The following KIRREL3 variants were observed in gnomAD, a reference collection of about 807,000 sequenced individuals.
The protein encoded by KIRREL3 is kirre like nephrin family adhesion molecule 3.
In KIRREL3, 36 loss-of-function variants were observed where a neutral mutation model predicts 89.7. That is an observed-to-expected ratio of 0.40 (90% CI 0.31 to 0.53). The LOEUF (loss-of-function observed/expected upper bound fraction) is 0.53. Among genes scored for constraint, KIRREL3 ranks in the 20% least tolerant of loss-of-function variants. The pLI, the probability that KIRREL3 is intolerant of heterozygous loss-of-function variation, is 0.49. For synonymous variants in KIRREL3, 445 were observed against 441.4 expected, an observed-to-expected ratio of 1.01 and a Z score of -0.10; for missense variants, 864 against 1,056.6, an observed-to-expected ratio of 0.82 and a Z score of 2.53.
At position 126,943,161 on chromosome 11, in the gene KIRREL3, C is replaced by T. The variant is rs751523405; in HGVS notation, c.55+57294G>A. On this transcript the variant is annotated intron_variant, in intron 1 of 16. Coordinates refer to ENST00000525144, the MANE Select transcript of KIRREL3 (RefSeq NM_032531.4). This position sits in a 1 kb window ranked among gnomAD's most constrained non-coding sequence, Gnocchi z 4.2. ...GCCATAGGCCTGGGTGCTGCTCCTG[C>T]TCCACTGGGGCCTTCTCTTTGGGGT... Among the ~76,000 whole-genome samples, 3 of 152,218 alleles carry T rather than the reference C, an allele frequency of 2.0e-5. No individual in the cohort carries two copies. Among genetic ancestry groups the T allele is most frequent in the East Asian group, 3.8e-4 (2 of 5,200 alleles).
Position 126,918,417 on chromosome 11 carries a change from C to T in KIRREL3, c.55+82038G>A, listed in dbSNP as rs750843134. On this transcript the variant is annotated intron_variant, in intron 1 of 16. Coordinates refer to ENST00000525144, the MANE Select transcript of KIRREL3 (RefSeq NM_032531.4). The surrounding 1 kb of genome is among the most constrained non-coding windows in gnomAD (Gnocchi z 6.5). ...CTTTAGACCATCCAGGTAGTTTTAG[C>T]GTAAGGAGTGAAGTCTTTGTAAACT... is the stretch of plus-strand genomic sequence containing the variant. 1.6e-4 allele frequency among the ~76,000 whole-genome samples: 25 copies of T among 152,180 alleles called. No individual in the cohort carries two copies. Among genetic ancestry groups the T allele is most frequent in the African/African-American group, 2.9e-4 (12 of 41,442 alleles).
rs61899056 is a variant in KIRREL3 at position 126,652,334 on chromosome 11, G to A, written c.56-89422C>T. The stretch of plus-strand genomic sequence containing the variant: ...ATATAAACCATCTTCTTTACTTAGG[G>A]CACAAAGAAGAACCAAGACAGGAGA... On this transcript the variant is annotated intron_variant, in intron 1 of 16. Coordinates refer to ENST00000525144, the MANE Select transcript of KIRREL3 (RefSeq NM_032531.4). The surrounding 1 kb of genome is among the most constrained non-coding windows in gnomAD (Gnocchi z 4.9). Among the ~76,000 whole-genome samples, 4,955 of 152,156 alleles carry A rather than the reference G, an allele frequency of 0.033. 129 individuals carry two copies. Among genetic ancestry groups the A allele is most frequent in the African/African-American group, 0.07 (2,907 of 41,486 alleles).
chr11:126,752,388 T>G lies in KIRREL3; in HGVS notation c.56-189476A>C, dbSNP rs886573126. ...CAGGATTAGTTGGGCATTTATGAGT[T>G]CAAGGGATCCTAGATGCTAACTGGA... On this transcript the variant is annotated intron_variant, in intron 1 of 16. Coordinates refer to ENST00000525144, the MANE Select transcript of KIRREL3 (RefSeq NM_032531.4). The surrounding 1 kb of genome is among the most constrained non-coding windows in gnomAD (Gnocchi z 4.8). Among the ~76,000 whole-genome samples the G allele has an allele frequency of 3.3e-5, 5 of 152,156 alleles. No homozygotes were observed. The highest frequency in any genetic ancestry group is 2.0e-4 in the Admixed American group (3 of 15,280).
chr11:126,435,314 A>G lies in KIRREL3; in HGVS notation c.1553-11T>C, dbSNP rs1418015413. Reference sequence around the variant, plus strand: ...ACTTCATTTCCGAACCTGTTTGGAAATAAAGCAAGCGTCTACAGCCAGGGC... The same window carrying G: ...ACTTCATTTCCGAACCTGTTTGGAAGTAAAGCAAGCGTCTACAGCCAGGGC... On this transcript the variant is annotated splice_polypyrimidine_tract_variant and intron_variant, in intron 12 of 16. Transcript: ENST00000525144. The G allele has an allele frequency of 1.4e-5, 22 of 1,613,200 alleles. No individual in the cohort carries two copies. The highest frequency in any genetic ancestry group is 1.6e-4 in the Middle Eastern group (1 of 6,078).
chr11:126,950,271 G>A (rs1387931102), intron 1 of KIRREL3, among the ~76,000 whole-genome samples: 1 of 152,188 alleles, frequency 6.6e-6, no homozygotes, highest in African/African-American at 2.4e-5. Context: ...GGAGGCTGAG[G>A]CAGGAGAATC....
chr11:126,950,944 G>A (rs1483257844), intron 1 of KIRREL3, among the ~76,000 whole-genome samples: 1 of 152,246 alleles, frequency 6.6e-6, no homozygotes, highest in Non-Finnish European at 1.5e-5. Flanking sequence ...AGAGGGCAAA[G>A]AACTTACTCA....
At chr11:126,425,572 G>A in intron 16 of KIRREL3, 66 bp downstream of exon 16, 1 of 1,334,946 alleles carries the variant, frequency 7.5e-7, no homozygotes, top group Non-Finnish European at 1.1e-6. Flanking sequence ...TAGATTTGGG[G>A]TTTGGGCCAT....
intron 1 of KIRREL3, among the ~76,000 whole-genome samples, chr11:126,567,650 CT>C (rs1295241271): frequency 4.6e-5 from 7 of 152,302 alleles, no homozygotes; most frequent in African/African-American, 1.4e-4. Context: ...TGGCTAAGAT[CT>C]GTTGGGAGTG....
rs972234898 is a variant in KIRREL3 at position 126,610,150 on chromosome 11, G to A, written c.56-47238C>T. ...CTTTCACCCAGACTGGAGTGCAGCA[G>A]CAAGATCTCGGCTCACTGCAACCTT... is the stretch of plus-strand genomic sequence containing the variant. On this transcript the variant is annotated intron_variant, in intron 1 of 16. Transcript: ENST00000525144. This position sits in a 1 kb window ranked among gnomAD's most constrained non-coding sequence, Gnocchi z 4.6. Among the ~76,000 whole-genome samples the A allele has an allele frequency of 4.6e-5, 7 of 152,080 alleles. No individual in the cohort carries two copies. Among genetic ancestry groups the A allele is most frequent in the African/African-American group, 1.7e-4 (7 of 41,382 alleles).
At chr11:126,670,906 C>T (rs1945912047) in intron 1 of KIRREL3, among the ~76,000 whole-genome samples, 1 of 152,162 alleles carries the variant, frequency 6.6e-6, no homozygotes. Context: ...AGGACTCATA[C>T]TACCTGATTT....
intron 1 of KIRREL3, among the ~76,000 whole-genome samples, chr11:126,806,643 G>C (rs1951212558): frequency 6.6e-6 from 1 of 152,134 alleles, no homozygotes; most frequent in African/African-American, 2.4e-5. Flanking sequence ...TACTAGGTAA[G>C]GATTGGATAT....
chr11:126,479,089 A>G (rs1352152594), intron 4 of KIRREL3, among the ~76,000 whole-genome samples: 1 of 152,198 alleles, frequency 6.6e-6, no homozygotes, highest in Non-Finnish European at 1.5e-5. Context: ...GATCAGAGAC[A>G]CTTGGCTGAG....
chr11:126,512,213 A>G (rs1435554121), intron 4 of KIRREL3, among the ~76,000 whole-genome samples: 4 of 152,142 alleles, frequency 2.6e-5, no homozygotes, highest in Non-Finnish European at 5.9e-5. Context: ...GAATGTGTCC[A>G]TTTCCTAACA....
intron 1 of KIRREL3, among the ~76,000 whole-genome samples, chr11:126,572,464 C>T (rs992747701): frequency 6.6e-6 from 1 of 152,200 alleles, no homozygotes; most frequent in African/African-American, 2.4e-5. Flanking sequence ...AGAACCCAGG[C>T]CCATTTGGTT....
In KIRREL3 at chr11:126,642,875, G is replaced by A. The variant is rs1944524015; in HGVS notation, c.56-79963C>T. On this transcript the variant is annotated intron_variant, in intron 1 of 16. Transcript: ENST00000525144. The surrounding 1 kb of genome is among the most constrained non-coding windows in gnomAD (Gnocchi z 4.9). ...AACATTTATCAAGCATCTCCTCTGTGTCAGGCTTGAAGTGAGAAATTCAAA... is the reference window on the plus strand; with the variant it reads ...AACATTTATCAAGCATCTCCTCTGTATCAGGCTTGAAGTGAGAAATTCAAA... Among the ~76,000 whole-genome samples, 1 of 152,140 alleles carries A rather than the reference G, an allele frequency of 6.6e-6. No homozygotes were observed. The highest frequency in any genetic ancestry group is 1.5e-5 in the Non-Finnish European group (1 of 68,016).
At chr11:126,493,330 G>A (rs1310967071) in intron 4 of KIRREL3, among the ~76,000 whole-genome samples, 1 of 152,154 alleles carries the variant, frequency 6.6e-6, no homozygotes, top group Non-Finnish European at 1.5e-5. Context: ...GACCATCCTG[G>A]CTAACACGGT....
Position 126,492,530 on chromosome 11 carries a change from G to A in KIRREL3, c.434-19064C>T, listed in dbSNP as rs1957549094. On this transcript the variant is annotated intron_variant, in intron 4 of 16. Coordinates refer to ENST00000525144, the MANE Select transcript of KIRREL3 (RefSeq NM_032531.4). The surrounding 1 kb of genome is among the most constrained non-coding windows in gnomAD (Gnocchi z 4.8). Reference sequence around the variant, plus strand: ...GGGGCCGAGGGGCTAGGGGAGCATGGGGCTGGAGTGGGAAGGAGGAGGAGG... The same window carrying A: ...GGGGCCGAGGGGCTAGGGGAGCATGAGGCTGGAGTGGGAAGGAGGAGGAGG... Among the ~76,000 whole-genome samples the A allele has an allele frequency of 6.6e-6, 1 of 152,296 alleles. No homozygotes were observed. The highest frequency in any genetic ancestry group is 6.5e-5 in the Admixed American group (1 of 15,292).
chr11:126,732,353 C>A (rs7114947), intron 1 of KIRREL3, among the ~76,000 whole-genome samples: 42 of 152,020 alleles, frequency 2.8e-4, no homozygotes, highest in Non-Finnish European at 5.7e-4. Flanking sequence ...AGATTCTGTC[C>A]TTGAAATAGC....
At chr11:126,488,720 A>T (rs1957430873) in intron 4 of KIRREL3, among the ~76,000 whole-genome samples, 1 of 152,204 alleles carries the variant, frequency 6.6e-6, no homozygotes, top group African/African-American at 2.4e-5. Context: ...TGAGCCACAC[A>T]GGGAAAGCCT....
Sources: gnomAD v4.1 joint callset for allele counts (sites outside exome capture counted in the v4.1 genomes callset) on GRCh38, gnomAD v4.1.1 for gene constraint, Gnocchi (gnomAD v3.1) non-coding constraint, MANE v1.5 for transcripts, NCBI Gene and HGNC (gene_info 2026-07-23, HGNC 2026-07-21) for gene names.